Variants in HTR3C observed in about 807,000 individuals in gnomAD.
The protein encoded by HTR3C is 5-hydroxytryptamine receptor 3C.
HTR3C carries 32 observed loss-of-function variants against 40.5 expected under a neutral mutation model. That is an observed-to-expected ratio of 0.79 (90% CI 0.60 to 1.06). The LOEUF is 1.06. Among genes scored for constraint, HTR3C ranks in the 50% least tolerant of loss-of-function variants. HTR3C has a pLI of 0.00. For missense variants in HTR3C, 523 were observed against 556.8 expected (o/e 0.94, Z 0.61); for synonymous variants, 209 against 217.1 (o/e 0.96, Z 0.33).
At position 184,058,545 on chromosome 3, in the gene HTR3C, G is replaced by T. The variant is rs772041309; in HGVS notation, c.678G>T (p.Lys226Asn). Residue 226 changes from lysine (K) to asparagine (N), a missense_variant, in exon 6 of 9, where the codon AAG becomes AAT. By Grantham distance (94) the Lys-to-Asn change is moderately conservative (BLOSUM62 0). Coordinates refer to ENST00000318351, the MANE Select transcript of HTR3C (RefSeq NM_130770.3). ...TGGGCATCAACAAGGCCACCCCAAA[G>T]ATGTCCATGGGCAACAACCTATATG... ...ELLGINKATP[K>N]MSMGNNLYDQ... 1.9e-6 allele frequency: 3 copies of T among 1,613,528 alleles called. No individual in the cohort carries two copies. Among genetic ancestry groups the T allele is most frequent in the South Asian group, 1.1e-5 (1 of 90,936 alleles).
Position 184,059,479 on chromosome 3 carries a change from T to G in HTR3C, c.764T>G (p.Leu255Arg), listed in dbSNP as rs1723396884. 6.2e-7 allele frequency: 1 copy of G among 1,614,096 alleles called. No homozygotes were observed. The highest frequency in any genetic ancestry group is 1.7e-5 in the Admixed American group (1 of 59,992). The change falls in exon 7 of 9, where the codon CTG becomes CGG. Residue 255 changes from leucine (L) to arginine (R), a missense_variant. Transcript: ENST00000318351. Reference protein sequence around the residue: ...RRPSLYIINLLVPSSFLVAID... With the variant: ...RRPSLYIINLRVPSSFLVAID... ...CCAAGCCTCTACATCATAAACCTGC[T>G]GGTGCCCAGTAGCTTTCTGGTTGCC...
chr3:184,053,692 A>G (rs534146461), intron 1 of HTR3C, among the ~76,000 whole-genome samples: 1 of 152,194 alleles, frequency 6.6e-6, no homozygotes, highest in East Asian at 1.9e-4. Flanking sequence ...TACTACCCAG[A>G]TGACTCCCTG....
At position 184,054,855 on chromosome 3, in the gene HTR3C, A is replaced by C; in HGVS notation, c.202A>C (p.Ile68Leu). ...TNYSIPTRVN[I>L]SFTLSAILGV... ...CTACAGCATCCCTACCCGTGTCAAC[A>C]TCTCCTTCACCCTGTCTGCCATCCT... Residue 68 changes from isoleucine to leucine, a missense_variant, in exon 2 of 9, where the codon ATC (isoleucine) becomes CTC (leucine). Transcript: ENST00000318351. The C allele has an allele frequency of 1.2e-6, 2 of 1,611,996 alleles. No homozygotes were observed. Among genetic ancestry groups the C allele is most frequent in the Middle Eastern group, 1.7e-4 (1 of 6,044 alleles).
chr3:184,058,058 GCATGC>G (rs1723365880), intron 5 of HTR3C, among the ~76,000 whole-genome samples: 4 of 152,234 alleles, frequency 2.6e-5, no homozygotes, highest in African/African-American at 9.6e-5. Flanking sequence ...ATCAAAATGG[GCATGC>G]CTATAATTAT....
chr3:184,059,733 A>C, intron 7 of HTR3C, 93 bp downstream of exon 7: 1 of 1,589,310 alleles, frequency 6.3e-7, no homozygotes, highest in Non-Finnish European at 8.6e-7. Flanking sequence ...GAAGGAAGGA[A>C]GGGGCTGTGA....
At chr3:184,054,623 C>T (rs1195001177) in intron 1 of HTR3C, 98 bp from the exon 2 acceptor site, 1 of 1,068,366 alleles carries the variant, frequency 9.4e-7, no homozygotes, top group East Asian at 2.8e-5. Flanking sequence ...GAGGGGCTCA[C>T]CTGCTCCTCT....
rs1171372070 is a variant in HTR3C at position 184,059,575 on chromosome 3, T to TG, written c.863dup (p.Tyr289LeufsTer10). On this transcript the variant is annotated frameshift_variant, in exon 7 of 9. Transcript: ENST00000318351. LOFTEE classifies it high-confidence loss of function. ...GCCCCATTCAAGATAACACTTCTGCTGGGCTACAACGTCTTCCTGCTCATG... is the reference window on the plus strand; with the variant it reads ...GCCCCATTCAAGATAACACTTCTGCTGGGGCTACAACGTCTTCCTGCTCATG... 166 of 1,613,952 alleles carry TG rather than the reference T, an allele frequency of 1.0e-4. No individual in the cohort carries two copies. Among genetic ancestry groups the TG allele is most frequent in the Non-Finnish European group, 1.4e-4 (160 of 1,180,006 alleles).
At chr3:184,054,689 T>G (rs1723285765) in intron 1 of HTR3C, 32 bp from the exon 2 acceptor site, 1 of 1,510,112 alleles carries the variant, frequency 6.6e-7, no homozygotes, top group African/African-American at 1.4e-5. Context: ...GGAAATAGAG[T>G]CCCTCTCTCA....
Position 184,060,606 on chromosome 3 carries a change from A to T in HTR3C, c.*254A>T. 3 of 553,348 alleles carry T rather than the reference A, an allele frequency of 5.4e-6. No homozygotes were observed. The East Asian group carries it at 9.5e-5, about 18-fold the overall frequency. The allele number at this position is 553,348 out of a possible 1,614,324, so 34.3% of individuals were successfully genotyped here. On this transcript the variant is annotated 3_prime_UTR_variant, in exon 9 of 9. Transcript: ENST00000318351. ...CTACCACCTAACTCCTCACTCCCTG[A>T]TCAATGGAAGTCCAGGTCAGTGGAG...
chr3:184,056,273 T>C lies in HTR3C; in HGVS notation c.376T>C (p.Phe126Leu). ...TGAAAACCTGTGGCTCCCAGACATC[T>C]TCATCGTGGAATCGTGCGTATGCAG... ...LAENLWLPDI[F>L]IVESMDVDQT... Residue 126 changes from phenylalanine to leucine, a missense_variant, in exon 4 of 9, where the codon TTC becomes CTC. Phe to Leu is a conservative substitution (Grantham distance 22, BLOSUM62 0). Transcript: ENST00000318351. 6.2e-7 allele frequency: 1 copy of C among 1,611,520 alleles called. No individual in the cohort carries two copies. Among genetic ancestry groups the C allele is most frequent in the Non-Finnish European group, 8.5e-7 (1 of 1,177,582 alleles).
chr3:184,056,127 C>A, intron 3 of HTR3C, 50 bp from the exon 4 acceptor site: 1 of 1,220,020 alleles, frequency 8.2e-7, no homozygotes, highest in Non-Finnish European at 1.2e-6. Flanking sequence ...GAGAGGCCGA[C>A]AGGACAAGCT....
intron 2 of HTR3C, 103 bp downstream of exon 2, chr3:184,054,990 C>A: frequency 1.7e-6 from 2 of 1,167,900 alleles, no homozygotes; most frequent in Non-Finnish European, 2.4e-6. Flanking sequence ...GAACAATAGG[C>A]ACCCTGGATG....
rs1240980952 is a variant in HTR3C at position 184,056,229 on chromosome 3, A to G, written c.332A>G (p.Asn111Ser). ...AACCCAAAAGAGTGTGTTGGCATCA[A>G]TAAACTCACAGTATTAGCTGAAAAC... ...NWNPKECVGI[N>S]KLTVLAENLW... The change falls in exon 4 of 9, where the codon AAT becomes AGT. Residue 111 changes from asparagine (N) to serine (S), a missense_variant. Asn to Ser is a conservative substitution (Grantham distance 46). Coordinates refer to ENST00000318351, the MANE Select transcript of HTR3C (RefSeq NM_130770.3). The G allele has an allele frequency of 6.2e-7, 1 of 1,614,060 alleles. No homozygotes were observed. Among genetic ancestry groups the G allele is most frequent in the Non-Finnish European group, 8.5e-7 (1 of 1,179,928 alleles).
rs1000307042 is a variant in HTR3C at position 184,056,401 on chromosome 3, A to G, written c.389+115A>G. ...TCAGACAGGCACACAGTCTCAACGA[A>G]CTGACTTCCACACATCACTACGAGT... On this transcript the variant is annotated intron_variant, in intron 4 of 8. Coordinates refer to ENST00000318351, the MANE Select transcript of HTR3C (RefSeq NM_130770.3). 4 of 716,368 alleles carry G rather than the reference A, an allele frequency of 5.6e-6. No individual in the cohort carries two copies. In the African/African-American group the frequency reaches 7.0e-5, roughly 12 times the overall value. 44.4% of individuals were successfully genotyped at this position (716,368 alleles called of 1,614,324 possible). A position where few individuals can be genotyped will look rare whatever the true frequency, so the allele number is the denominator to read the frequency against.
intron 1 of HTR3C, 100 bp from the exon 2 acceptor site, chr3:184,054,621 C>A: frequency 9.6e-7 from 1 of 1,036,688 alleles, no homozygotes; most frequent in Non-Finnish European, 1.3e-6. Flanking sequence ...AGGAGGGGCT[C>A]ACCTGCTCCT....
intron 6 of HTR3C, among the ~76,000 whole-genome samples, chr3:184,059,179 C>T (rs972870346): frequency 2.0e-5 from 3 of 152,170 alleles, no homozygotes; most frequent in Admixed American, 1.3e-4. Flanking sequence ...CTCACCCCTA[C>T]TGCTCAGAAT....
At chr3:184,054,533 C>T (rs1169953539) in intron 1 of HTR3C, among the ~76,000 whole-genome samples, 188 bp from the exon 2 acceptor site, 4 of 152,158 alleles carry the variant, frequency 2.6e-5, no homozygotes, top group Non-Finnish European at 4.4e-5. Context: ...CCTCAGCTCA[C>T]CACATCCACT....
At position 184,058,412 on chromosome 3, in the gene HTR3C, C is replaced by G. The variant is rs769399057; in HGVS notation, c.560-15C>G. ...GGGAAAACGTCTGCAATGAACTGAC[C>G]GGCCTCCCTTCCAGTGGACAGCATG... On this transcript the variant is annotated splice_polypyrimidine_tract_variant and intron_variant, in intron 5 of 8. Coordinates refer to ENST00000318351, the MANE Select transcript of HTR3C (RefSeq NM_130770.3). The G allele has an allele frequency of 2.5e-6, 4 of 1,587,788 alleles. No individual in the cohort carries two copies. In the Admixed American group the frequency reaches 7.3e-5, roughly 29 times the overall value.
chr3:184,060,348 C>G lies in HTR3C; in HGVS notation c.1340C>G (p.Thr447Ser). The G allele has an allele frequency of 1.9e-6, 3 of 1,614,184 alleles. No homozygotes were observed. Among genetic ancestry groups the G allele is most frequent in the Non-Finnish European group, 1.7e-6 (2 of 1,180,032 alleles). ...CTTACTGTCATTGTCCTCTGGAACA[C>G]CTAGGCAGACATCCCCCCTCTCTGG... The part of the protein sequence containing the change: ...SILTVIVLWN[T>S] The change falls in exon 9 of 9, where the codon ACC (threonine) becomes AGC (serine). Residue 447 changes from threonine to serine, a missense_variant. Thr to Ser is a moderately conservative substitution (Grantham distance 58). Transcript: ENST00000318351.
Sources: gnomAD v4.1 joint callset for allele counts (sites outside exome capture counted in the v4.1 genomes callset) on GRCh38, gnomAD v4.1.1 for gene constraint, MANE v1.5 for transcripts, NCBI Gene and HGNC (gene_info 2026-07-23, HGNC 2026-07-21) for gene names.